Variants in ADAMTS13 observed in about 807,000 individuals in gnomAD.
The protein encoded by ADAMTS13 is A disintegrin and metalloproteinase with thrombospondin motifs 13.
Under a neutral mutation model 155.1 loss-of-function variants are expected in ADAMTS13, and 110 were observed. The ratio of observed to expected loss-of-function variants is 0.71; its 90% CI spans 0.61 to 0.83. The LOEUF (loss-of-function observed/expected upper bound fraction) is 0.83, where lower values mean the gene tolerates loss of function less well. Among genes scored for constraint, ADAMTS13 ranks in the 40% least tolerant of loss-of-function variants. The pLI, the probability that ADAMTS13 is intolerant of heterozygous loss-of-function variation, is 0.00. For missense variants in ADAMTS13, 1,707 were observed against 1,891.7 expected (o/e 0.90, Z 1.81); for synonymous variants, 758 against 756.4 (o/e 1.00, Z -0.03).
rs1564445713 is a variant in ADAMTS13 at position 133,456,503 on chromosome 9, C to CTGACACTGGGAGTCTGCTGACA, written c.3548-40_3548-39insTGACACTGGGAGTCTGCTGACA. ...TGGAGCCACTCCTCTGCTGACCAGG[C>CTGACACTGGGAGTCTGCTGACA]GTGGGAGTGCTGGACCCTCACTGCC... is the stretch of plus-strand genomic sequence containing the variant. On this transcript the variant is annotated intron_variant, in intron 26 of 28. Transcript: ENST00000355699. The surrounding 1 kb of genome is among the most constrained non-coding windows in gnomAD (Gnocchi z 4.4). 2 of 1,605,940 alleles carry CTGACACTGGGAGTCTGCTGACA rather than the reference C, an allele frequency of 1.2e-6. No individual in the cohort carries two copies. Among genetic ancestry groups the CTGACACTGGGAGTCTGCTGACA allele is most frequent in the Admixed American group, 3.4e-5 (2 of 59,088 alleles).
Position 133,433,500 on chromosome 9 carries a change from C to T in ADAMTS13, c.1215C>T (p.Val405=), listed in dbSNP as rs145768029. 1.1e-5 allele frequency: 17 copies of T among 1,613,430 alleles called. No individual in the cohort carries two copies. The African/African-American group carries it at 2.3e-4, about 22-fold the overall frequency. The change falls in exon 10 of 29, where the codon GTC becomes GTT. Residue 405 remains valine, a synonymous_variant. Transcript: ENST00000355699. ...CCCGCTCCTGCGGAGGAGGTGTGGT[C>T]ACCAGGAGGCGGCAGTGCAACAACC... is the stretch of plus-strand genomic sequence containing the variant. The part of the protein sequence containing the change: ...PCSRSCGGGV[V]TRRRQCNNPR...
chr9:133,454,592 C>G lies in ADAMTS13; in HGVS notation c.3222C>G (p.Tyr1074Ter). ...CCTGTCTCATTGCCGACTGCACCTACCGCTGGCATGTTGGCACCTGGATGG... is the reference window on the plus strand; with the variant it reads ...CCTGTCTCATTGCCGACTGCACCTAGCGCTGGCATGTTGGCACCTGGATGG... Reference protein sequence around the residue: ...SVPCLIADCTYRWHVGTWMEC... With the variant: ...SVPCLIADCT Residue 1074 changes from tyrosine (Y) to a stop codon, truncating the protein, a stop_gained, in exon 24 of 29, where the codon TAC (tyrosine) becomes TAG (stop). Coordinates refer to ENST00000355699, the MANE Select transcript of ADAMTS13 (RefSeq NM_139027.6). LOFTEE classifies it high-confidence loss of function. 6.2e-7 allele frequency: 1 copy of G among 1,604,718 alleles called. No homozygotes were observed. The highest frequency in any genetic ancestry group is 8.5e-7 in the Non-Finnish European group (1 of 1,179,652).
rs1554785929 is a variant in ADAMTS13 at position 133,428,711 on chromosome 9, C to T, written c.764C>T (p.Ala255Val). Reference sequence around the variant, plus strand: ...CACGTGATGGCTTCGGACGGCGCCGCGCCCCGCGCCGGCCTCGCCTGGTCC... The same window carrying T: ...CACGTGATGGCTTCGGACGGCGCCGTGCCCCGCGCCGGCCTCGCCTGGTCC... ...SGHVMASDGAAPRAGLAWSPC... is the reference protein window; with the variant it reads ...SGHVMASDGAVPRAGLAWSPC... The change falls in exon 7 of 29, where the codon GCG (alanine) becomes GTG (valine). Residue 255 changes from alanine (A) to valine (V), a missense_variant. Transcript: ENST00000355699. The T allele has an allele frequency of 7.4e-7, 1 of 1,353,486 alleles. No homozygotes were observed. The highest frequency in any genetic ancestry group is 2.9e-5 in the Admixed American group (1 of 34,218). The allele number at this position is 1,353,486 out of a possible 1,614,324, so 83.8% of individuals were successfully genotyped here. A position where few individuals can be genotyped will look rare whatever the true frequency, so the allele number is the denominator to read the frequency against.
In ADAMTS13 at chr9:133,454,496, C is replaced by T. The variant is rs914915224; in HGVS notation, c.3126C>T (p.Leu1042=). Residue 1042 remains leucine (L), a synonymous_variant, in exon 24 of 29, where the codon CTC becomes CTT. Coordinates refer to ENST00000355699, the MANE Select transcript of ADAMTS13 (RefSeq NM_139027.6). ...TARRSVACVQ[L]DQGQDVEVDE... ...GACGCTCGGTGGCCTGTGTGCAGCTCGACCAAGGCCAGGACGTGGAGGTGG... is the reference window on the plus strand; with the variant it reads ...GACGCTCGGTGGCCTGTGTGCAGCTTGACCAAGGCCAGGACGTGGAGGTGG... 4 of 1,612,720 alleles carry T rather than the reference C, an allele frequency of 2.5e-6. No individual in the cohort carries two copies. Among genetic ancestry groups the T allele is most frequent in the Non-Finnish European group, 3.4e-6 (4 of 1,180,004 alleles).
rs782014438 is a variant in ADAMTS13 at position 133,443,526 on chromosome 9, G to A, written c.2385G>A (p.Ala795=). The A allele has an allele frequency of 2.2e-5, 34 of 1,574,712 alleles. No individual in the cohort carries two copies. The highest frequency in any genetic ancestry group is 9.4e-5 in the African/African-American group (7 of 74,240). Residue 795 remains alanine, a synonymous_variant, in exon 19 of 29, where the codon GCG becomes GCA. Transcript: ENST00000355699. ...CAGGGGCCCAGCAGCCAGCTGTGGC[G>A]CTGGAAACCTGCAACCCCCAGCCCT... The part of the protein sequence containing the change: ...CRAGAQQPAV[A]LETCNPQPCP...
chr9:133,453,746 C>T (rs1842577734), intron 23 of ADAMTS13, among the ~76,000 whole-genome samples: 1 of 152,210 alleles, frequency 6.6e-6, no homozygotes, highest in Admixed American at 6.5e-5. Flanking sequence ...TCCAGTTGCT[C>T]ATGCCAGTGA....
At chr9:133,429,197 A>C (rs1175490567) in intron 7 of ADAMTS13, among the ~76,000 whole-genome samples, 52 of 8,310 alleles carry the variant, frequency 6.3e-3, no homozygotes, top group Admixed American at 0.014. Context: ...CACCTGCCCC[A>C]CCCCCTGCAC....
At chr9:133,428,455 A>AC (rs1283785516) in intron 6 of ADAMTS13, among the ~76,000 whole-genome samples, 179 bp from the exon 7 acceptor site, 2 of 151,918 alleles carry the variant, frequency 1.3e-5, no homozygotes, top group Non-Finnish European at 2.9e-5. Context: ...GGCGCACGCG[A>AC]CCCTCTCCAC....
chr9:133,423,803 A>C (rs1840103843), intron 2 of ADAMTS13, among the ~76,000 whole-genome samples: 1 of 152,224 alleles, frequency 6.6e-6, no homozygotes, highest in South Asian at 2.1e-4. Flanking sequence ...GGCTGGATGC[A>C]GCCGACGCTG....
In ADAMTS13 at chr9:133,455,392, G is replaced by A. The variant is rs782647758; in HGVS notation, c.3357G>A (p.Pro1119=). The A allele has an allele frequency of 6.8e-6, 11 of 1,612,508 alleles. No homozygotes were observed. The highest frequency in any genetic ancestry group is 4.5e-5 in the East Asian group (2 of 44,894). ...PADFCQHLPK[P]VTVRGCWAGP... Reference sequence around the variant, plus strand: ...ATTTCTGCCAGCACTTGCCCAAGCCGGTGACTGTGCGTGGCTGCTGGGCTG... The same window carrying A: ...ATTTCTGCCAGCACTTGCCCAAGCCAGTGACTGTGCGTGGCTGCTGGGCTG... The change falls in exon 25 of 29, where the codon CCG becomes CCA. Residue 1119 remains proline (P), a synonymous_variant. Transcript: ENST00000355699.
In ADAMTS13 at chr9:133,440,786, G is replaced by A. The variant is rs1841613594; in HGVS notation, c.1968+261G>A. ...GCCCTGCAGTTCTGGGATCAGGTAA[G>A]GTTGGAGGGCCCAATGCAGGGGTCC... On this transcript the variant is annotated intron_variant, in intron 16 of 28. Coordinates refer to ENST00000355699, the MANE Select transcript of ADAMTS13 (RefSeq NM_139027.6). The surrounding 1 kb of genome is among the most constrained non-coding windows in gnomAD (Gnocchi z 4.3). 6.6e-6 allele frequency among the ~76,000 whole-genome samples: 1 copy of A among 152,182 alleles called. No homozygotes were observed. The highest frequency in any genetic ancestry group is 6.5e-5 in the Admixed American group (1 of 15,278).
chr9:133,429,690 T>C, intron 7 of ADAMTS13: 1 of 677,554 alleles, frequency 1.5e-6, no homozygotes. Context: ...ATCTGCTCCA[T>C]CCCACTCAGA....
chr9:133,436,901 T>G lies in ADAMTS13; in HGVS notation c.1381T>G (p.Ser461Ala). The G allele has an allele frequency of 6.3e-7, 1 of 1,586,434 alleles. No homozygotes were observed. ...GACCGACGGCCAGCCGCTGCGCTCC[T>G]CCCCTGGCGGCGCCTCCTTCTACCA... is the stretch of plus-strand genomic sequence containing the variant. ...ARTDGQPLRSSPGGASFYHWG... is the reference protein window; with the variant it reads ...ARTDGQPLRSAPGGASFYHWG... The change falls in exon 12 of 29, where the codon TCC becomes GCC. Residue 461 changes from serine (S) to alanine (A), a missense_variant. Transcript: ENST00000355699.
rs782488906 is a variant in ADAMTS13 at position 133,424,461 on chromosome 9, C to T, written c.313C>T (p.Leu105Phe). The change falls in exon 3 of 29, where the codon CTC becomes TTC. Residue 105 changes from leucine (L) to phenylalanine (F), a missense_variant. Physicochemically the swap from Leu to Phe is conservative, Grantham distance 22 (BLOSUM62 0). Transcript: ENST00000355699. The surrounding 1 kb of genome is among the most constrained non-coding windows in gnomAD (Gnocchi z 4.3). ...AHQEDTERYV[L>F]TNLNIGAELL... The stretch of plus-strand genomic sequence containing the variant: ...CCAGGAGGACACAGAGCGCTATGTG[C>T]TCACCAACCTCAACATCGTGAGTGC... 3 of 1,613,722 alleles carry T rather than the reference C, an allele frequency of 1.9e-6. No homozygotes were observed. In the African/African-American group the frequency reaches 4.0e-5, roughly 22 times the overall value.
Position 133,457,926 on chromosome 9 carries a change from C to T in ADAMTS13, c.3741C>T (p.Leu1247=). 1.2e-6 allele frequency: 2 copies of T among 1,613,862 alleles called. No homozygotes were observed. Among genetic ancestry groups the T allele is most frequent in the South Asian group, 1.1e-5 (1 of 91,086 alleles). ...ETFYRECDMQ[L]FGPWGEIVSP... The stretch of plus-strand genomic sequence containing the variant: ...CACCTGCAGAATGTGACATGCAGCT[C>T]TTTGGGCCCTGGGGTGAAATCGTGA... The change falls in exon 28 of 29, where the codon CTC becomes CTT. Residue 1247 remains leucine, a synonymous_variant. Coordinates refer to ENST00000355699, the MANE Select transcript of ADAMTS13 (RefSeq NM_139027.6).
intron 6 of ADAMTS13, 152 bp downstream of exon 6, chr9:133,426,497 G>A: frequency 1.8e-6 from 2 of 1,104,326 alleles, no homozygotes; most frequent in Non-Finnish European, 2.6e-6. Context: ...GTGAGGACAG[G>A]GGAACCTGAT....
intron 23 of ADAMTS13, 136 bp downstream of exon 23, chr9:133,450,101 C>A: frequency 5.0e-6 from 5 of 991,578 alleles, no homozygotes; most frequent in Non-Finnish European, 7.4e-6. Flanking sequence ...AGTGCAAGTC[C>A]AACCTGGGCA....
upstream of ADAMTS13, chr9:133,417,586 C>A: frequency 1.2e-6 from 2 of 1,602,960 alleles, no homozygotes; most frequent in Non-Finnish European, 1.7e-6. Context: ...GAATGAGCTG[C>A]GCAGCGCTCC....
At chr9:133,427,319 AGAGTGATGGG>A (rs1325181946) in intron 6 of ADAMTS13, among the ~76,000 whole-genome samples, 1 of 152,196 alleles carries the variant, frequency 6.6e-6, no homozygotes, top group Non-Finnish European at 1.5e-5. Flanking sequence ...CCATTTACCT[AGAGTGATGGG>A]TTTCTTTTCA....
Sources: allele counts gnomAD v4.1 joint callset (sites outside exome capture counted in the v4.1 genomes callset), GRCh38; gene constraint gnomAD v4.1.1; non-coding constraint Gnocchi (gnomAD v3.1); transcripts MANE v1.5; gene names NCBI Gene and HGNC (gene_info 2026-07-23, HGNC 2026-07-21).